Variants in TMEM126A observed in about 807,000 individuals in gnomAD.
TMEM126A encodes transmembrane protein 126A.
Under a neutral mutation model 18.3 loss-of-function variants are expected in TMEM126A, and 10 were observed. The ratio of observed to expected loss-of-function variants is 0.55; its 90% CI spans 0.34 to 0.93. TMEM126A has a LOEUF of 0.93. Among genes scored for constraint, TMEM126A ranks in the 40% least tolerant of loss-of-function variants. The probability of loss-of-function intolerance (pLI) is 0.02; values close to 1 mark genes in which losing one functional copy is unlikely to be tolerated. For synonymous variants in TMEM126A, 68 were observed against 78.1 expected, an observed-to-expected ratio of 0.87 and a Z score of 0.68; for missense variants, 246 against 230.2, an observed-to-expected ratio of 1.07 and a Z score of -0.44.
chr11:85,649,025 C>G (rs1318843222), intron 1 of TMEM126A, among the ~76,000 whole-genome samples: 1 of 151,444 alleles, frequency 6.6e-6, no homozygotes, highest in Non-Finnish European at 1.5e-5. Flanking sequence ...ACCTCCACCT[C>G]CCAGGTTCAA....
chr11:85,651,257 A>G (rs1311668059), intron 2 of TMEM126A, among the ~76,000 whole-genome samples: 1 of 152,120 alleles, frequency 6.6e-6, no homozygotes, highest in African/African-American at 2.4e-5. Flanking sequence ...CAGTGTCTTA[A>G]GTAGAGGGAA....
intron 3 of TMEM126A, 196 bp from the exon 4 acceptor site, chr11:85,655,398 A>T: frequency 1.9e-6 from 1 of 525,484 alleles, no homozygotes; most frequent in Non-Finnish European, 3.4e-6. Context: ...TTTTTCCTAA[A>T]ATAGTTTTAC....
chr11:85,655,276 G>C, intron 3 of TMEM126A: 1 of 282,368 alleles, frequency 3.5e-6, no homozygotes, highest in Non-Finnish European at 6.8e-6. Context: ...TAATTGAACA[G>C]ACTGAGTGAA....
chr11:85,649,739 A>C (rs575376320), intron 1 of TMEM126A, among the ~76,000 whole-genome samples: 1 of 152,278 alleles, frequency 6.6e-6, no homozygotes, highest in African/African-American at 2.4e-5. Context: ...TTGTTCCCCC[A>C]GTTATAATGA....
intron 2 of TMEM126A, among the ~76,000 whole-genome samples, chr11:85,652,645 A>C (rs944350084): frequency 6.6e-6 from 1 of 152,176 alleles, no homozygotes; most frequent in African/African-American, 2.4e-5. Flanking sequence ...ATTTTGTGCT[A>C]ACTTTTAATT....
At chr11:85,649,092 G>A (rs771508763) in intron 1 of TMEM126A, among the ~76,000 whole-genome samples, 2 of 152,122 alleles carry the variant, frequency 1.3e-5, no homozygotes, top group African/African-American at 2.4e-5. Flanking sequence ...CTGCCGCCGT[G>A]CCTGGCTAAT....
intron 2 of TMEM126A, among the ~76,000 whole-genome samples, chr11:85,653,830 G>C (rs985181277): frequency 4.6e-5 from 7 of 152,212 alleles, no homozygotes; most frequent in African/African-American, 1.7e-4. Context: ...GTAATGTGTT[G>C]TGCTAGAGAG....
intron 2 of TMEM126A, among the ~76,000 whole-genome samples, chr11:85,653,366 A>G (rs671994): frequency 0.011 from 1,706 of 152,344 alleles, 103 homozygotes; most frequent in Admixed American, 0.1. Context: ...GTTAAGAGTA[A>G]TGAAAATCTT....
At chr11:85,655,115 T>C (rs184285626) in intron 3 of TMEM126A, among the ~76,000 whole-genome samples, 1 of 152,148 alleles carries the variant, frequency 6.6e-6, no homozygotes, top group African/African-American at 2.4e-5. Flanking sequence ...TTATTTCAAA[T>C]AAAAATATTA....
At chr11:85,651,997 C>G (rs1345922235) in intron 2 of TMEM126A, among the ~76,000 whole-genome samples, 1 of 152,148 alleles carries the variant, frequency 6.6e-6, no homozygotes, top group Non-Finnish European at 1.5e-5. Flanking sequence ...AACCCTATCT[C>G]TACTAAAAAT....
intron 2 of TMEM126A, among the ~76,000 whole-genome samples, chr11:85,650,781 T>TA (rs947220243): frequency 2.7e-4 from 41 of 152,060 alleles, no homozygotes; most frequent in African/African-American, 8.9e-4. Flanking sequence ...AAGATATTAT[T>TA]AAAGAGGGCC....
Position 85,655,597 on chromosome 11 carries a change from A to G in TMEM126A, c.284A>G (p.Asp95Gly). 1 of 1,610,574 alleles carries G rather than the reference A, an allele frequency of 6.2e-7. No homozygotes were observed. The highest frequency in any genetic ancestry group is 8.5e-7 in the Non-Finnish European group (1 of 1,176,968). ...CTATGACTAATTTATTTCCTAGGTG[A>G]TTTGGATTGTGAAACCTGTACCATA... Reference protein sequence around the residue: ...CFVSFPLNTGDLDCETCTITR... With the variant: ...CFVSFPLNTGGLDCETCTITR... Residue 95 changes from aspartate to glycine, a missense_variant, in exon 4 of 5, where the codon GAT (aspartate) becomes GGT (glycine). Asp to Gly is a moderately conservative substitution (Grantham distance 94). Transcript: ENST00000304511.
At chr11:85,648,656 G>A (rs1000398030) in intron 1 of TMEM126A, among the ~76,000 whole-genome samples, 3 of 152,152 alleles carry the variant, frequency 2.0e-5, no homozygotes, top group African/African-American at 7.2e-5. Flanking sequence ...CAGAGCTCCT[G>A]TACAGCAGAG....
chr11:85,648,419 TC>T (rs1430530061), intron 1 of TMEM126A, among the ~76,000 whole-genome samples: 1 of 152,156 alleles, frequency 6.6e-6, no homozygotes, highest in East Asian at 1.9e-4. Context: ...TCAGAGCTCT[TC>T]CAAGAATGAC....
chr11:85,652,704 G>A (rs1387133487), intron 2 of TMEM126A, among the ~76,000 whole-genome samples: 1 of 151,952 alleles, frequency 6.6e-6, no homozygotes, highest in East Asian at 1.9e-4. Context: ...TTGGGAGAGA[G>A]CAAAGTTTGC....
intron 2 of TMEM126A, among the ~76,000 whole-genome samples, chr11:85,651,185 G>A (rs2082497416): frequency 6.6e-6 from 1 of 151,768 alleles, no homozygotes; most frequent in South Asian, 2.1e-4. Flanking sequence ...TTTGTTGACA[G>A]TCAAGAAGGT....
At chr11:85,655,733 A>G (rs768834427) in intron 4 of TMEM126A, 25 bp downstream of exon 4, 5 of 1,477,460 alleles carry the variant, frequency 3.4e-6, no homozygotes, top group Middle Eastern at 1.7e-4. Flanking sequence ...ACTTTTTATA[A>G]TATGTGATTA....
rs142626884 is a variant in TMEM126A at position 85,654,235 on chromosome 11, G to C, written c.259G>C (p.Val87Leu). Residue 87 changes from valine to leucine, a missense_variant, in exon 3 of 5, where the codon GTA becomes CTA. Coordinates refer to ENST00000304511, the MANE Select transcript of TMEM126A (RefSeq NM_032273.4). ...AACAGACTTAACTTACAGATGTTTT[G>C]TAAGTTTTCCTTTGAATACAGGTAA... ...LTTDLTYRCFVSFPLNTGDLD... is the reference protein window; with the variant it reads ...LTTDLTYRCFLSFPLNTGDLD... 8 of 1,613,978 alleles carry C rather than the reference G, an allele frequency of 5.0e-6. No individual in the cohort carries two copies. In the South Asian group the frequency reaches 5.5e-5, roughly 11 times the overall value.
chr11:85,655,393 C>T, intron 3 of TMEM126A: 2 of 511,840 alleles, frequency 3.9e-6, no homozygotes. Context: ...AACTTTTTTT[C>T]CTAAAATAGT....
Sources: allele counts gnomAD v4.1 joint callset (sites outside exome capture counted in the v4.1 genomes callset), GRCh38; gene constraint gnomAD v4.1.1; transcripts MANE v1.5; gene names NCBI Gene and HGNC (gene_info 2026-07-23, HGNC 2026-07-21).